PAK6: variants seen among roughly 807,000 people sequenced by gnomAD.
PAK6 encodes the protein p21 (RAC1) activated kinase 6.
A neutral mutation model predicts 60.8 loss-of-function variants in PAK6; 33 were observed. The observed-to-expected ratio is 0.54, with a 90% CI of 0.41 to 0.73. PAK6 has a LOEUF of 0.73. Among genes scored for constraint, PAK6 ranks in the 30% least tolerant of loss-of-function variants. The pLI is 0.00. For missense variants in PAK6, 845 were observed against 904.1 expected, an observed-to-expected ratio of 0.93 and a Z score of 0.84; for synonymous variants, 404 against 378.5, an observed-to-expected ratio of 1.07 and a Z score of -0.78.
At chr15:40,275,990 A>G in exon 11 of PAK6, 1 of 1,613,528 alleles carries the variant, frequency 6.2e-7, no homozygotes, top group Non-Finnish European at 8.5e-7. Context: ...AGAGAGAGCC[A>G]CAGCCCAGGA....
intron 9 of PAK6, 128 bp downstream of exon 9, chr15:40,273,804 C>A: frequency 8.8e-7 from 1 of 1,135,316 alleles, no homozygotes; most frequent in Non-Finnish European, 1.3e-6. Flanking sequence ...TAGTCAACAC[C>A]CTTCCCCCTT....
At chr15:40,261,773 C>T (rs746677777) in intron 3 of PAK6, among the ~76,000 whole-genome samples, 1 of 152,112 alleles carries the variant, frequency 6.6e-6, no homozygotes, top group Non-Finnish European at 1.5e-5. Context: ...CTCCCTAGCC[C>T]CCAAAGCCTG....
intron 9 of PAK6, 39 bp downstream of exon 9, chr15:40,273,715 A>G (rs200563236): frequency 1.9e-6 from 3 of 1,602,188 alleles, no homozygotes; most frequent in South Asian, 2.2e-5. Context: ...CCCAAAAGCA[A>G]CTTGGCAACT....
intron 4 of PAK6, 107 bp downstream of exon 4, chr15:40,265,096 A>G (rs1566852786): frequency 1.3e-5 from 13 of 973,068 alleles, no homozygotes; most frequent in Non-Finnish European, 1.8e-5. Flanking sequence ...CTTCACAGCT[A>G]TCAGTTAATC....
chr15:40,240,373 G>GGCAT, intron 1 of PAK6: 1 of 338,444 alleles, frequency 3.0e-6, no homozygotes, highest in South Asian at 2.3e-5. Context: ...GTCCCCACAG[G>GGCAT]GCATGCCCCA....
intron 5 of PAK6, among the ~76,000 whole-genome samples, chr15:40,267,665 A>G (rs1045982084): frequency 1.3e-5 from 2 of 152,178 alleles, no homozygotes; most frequent in Non-Finnish European, 2.9e-5. Context: ...TCCGTCTCAA[A>G]AAAAAAAGAG....
intron 2 of PAK6, among the ~76,000 whole-genome samples, chr15:40,241,788 G>A (rs2038355029): frequency 6.6e-6 from 1 of 152,196 alleles, no homozygotes; most frequent in African/African-American, 2.4e-5. Context: ...TCCAGCCAAG[G>A]AAAGCCCGCT....
chr15:40,265,281 C>T (rs1026301494), intron 4 of PAK6, among the ~76,000 whole-genome samples: 2 of 152,212 alleles, frequency 1.3e-5, no homozygotes, highest in African/African-American at 2.4e-5. Flanking sequence ...TCTTTTAGGA[C>T]GTGTCCCATT....
At chr15:40,265,819 A>G (rs2039111483) in intron 4 of PAK6, 23 bp from the exon 5 acceptor site, 6 of 1,501,244 alleles carry the variant, frequency 4.0e-6, no homozygotes, top group East Asian at 2.3e-5. Context: ...GCTCCCACAC[A>G]CTCTTTTCTC....
At chr15:40,277,244 C>A in exon 11 of PAK6, 1 of 152,536 alleles carries the variant, frequency 6.6e-6, no homozygotes, top group Non-Finnish European at 1.5e-5. Flanking sequence ...CTCCTCGGCC[C>A]TGCCCCACTT....
At chr15:40,274,311 C>T in intron 10 of PAK6, 35 bp downstream of exon 10, 1 of 1,546,996 alleles carries the variant, frequency 6.5e-7, no homozygotes, top group Non-Finnish European at 8.7e-7. Context: ...CCTCGCAGAC[C>T]CCATTCCTCC....
At chr15:40,246,553 T>A (rs975500509) in intron 2 of PAK6, 6 of 152,074 alleles carry the variant, frequency 3.9e-5, no homozygotes, top group Non-Finnish European at 7.3e-5. Context: ...AGGGCTCCTG[T>A]CGAGGAGAGG....
intron 3 of PAK6, chr15:40,260,162 A>G (rs1437827748): frequency 6.6e-6 from 1 of 152,104 alleles, no homozygotes; most frequent in Non-Finnish European, 1.5e-5. Context: ...CATAATGATC[A>G]CACTAGACCT....
At chr15:40,241,596 G>T (rs975185462) in intron 2 of PAK6, among the ~76,000 whole-genome samples, 4 of 152,212 alleles carry the variant, frequency 2.6e-5, no homozygotes, top group African/African-American at 7.2e-5. Context: ...TCAGGGAAGG[G>T]TCGGCACCAG....
At chr15:40,252,664 G>C in intron 2 of PAK6, 1 of 1,318,034 alleles carries the variant, frequency 7.6e-7, no homozygotes. Context: ...CGACCTCTTC[G>C]AGCGTTCCTG....
chr15:40,273,666 A>AT lies in PAK6; in HGVS notation c.1734dup (p.Ala579CysfsTer3). On this transcript the variant is annotated frameshift_variant, in exon 9 of 11. Transcript: ENST00000560346. LOFTEE classifies it high-confidence loss of function. ...CCTGAAGTGATCTCCAGGTCTTTGT[A>AT]TGCCACTGAGGTAACCGTTCCCTCC... 6.2e-7 allele frequency: 1 copy of AT among 1,613,906 alleles called. No individual in the cohort carries two copies. The highest frequency in any genetic ancestry group is 8.5e-7 in the Non-Finnish European group (1 of 1,179,946).
chr15:40,259,786 C>CAAAAAAAAA (rs10670123), intron 3 of PAK6: 1 of 62,488 alleles, frequency 1.6e-5, no homozygotes, highest in Non-Finnish European at 3.0e-5. Context: ...AACGCTGTCT[C>CAAAAAAAAA]AAAAAAAAAA....
chr15:40,257,794 G>A (rs2140965977), intron 3 of PAK6, among the ~76,000 whole-genome samples: 1 of 152,228 alleles, frequency 6.6e-6, no homozygotes, highest in Non-Finnish European at 1.5e-5. Context: ...ACGTTGAGGA[G>A]GGTGGCCCAC....
intron 3 of PAK6, among the ~76,000 whole-genome samples, chr15:40,261,013 T>C (rs1184377171): frequency 6.6e-6 from 1 of 151,666 alleles, no homozygotes; most frequent in African/African-American, 2.4e-5. Context: ...CTCAGCCTCC[T>C]GAGTAGCTGG....
Sources: gnomAD v4.1 joint callset for allele counts (sites outside exome capture counted in the v4.1 genomes callset) on GRCh38, gnomAD v4.1.1 for gene constraint, MANE v1.5 for transcripts, NCBI Gene and HGNC (gene_info 2026-07-23, HGNC 2026-07-21) for gene names.